Variants in KPLCE observed in about 807,000 individuals in gnomAD.
KPLCE encodes the protein protein KPLCE.
At chr1:152,720,333 CA>C in the KPLCE span, 2 of 1,349,214 alleles carry the variant, frequency 1.5e-6, no homozygotes, top group East Asian at 2.5e-5. Context: ...GAACATGCAC[CA>C]GCTTCTGGCC....
At chr1:152,720,033 GC>G in the KPLCE span, 1 of 1,551,760 alleles carries the variant, frequency 6.4e-7, no homozygotes, top group Non-Finnish European at 8.7e-7. Flanking sequence ...ACCAGCTACT[GC>G]TGTCTGGCTC....
At chr1:152,720,142 T>C in the KPLCE span, 8 of 1,551,500 alleles carry the variant, frequency 5.2e-6, no homozygotes, top group Admixed American at 3.9e-5. Context: ...CGGGAAGCTC[T>C]GGATGCTGTG....
chr1:152,720,233 G>T, the KPLCE span: 22 of 1,551,128 alleles, frequency 1.4e-5, 1 homozygote, highest in South Asian at 2.0e-4. Flanking sequence ...GAGGTCCCGA[G>T]GTCCTGCATG....
the KPLCE span, chr1:152,719,847 A>G: frequency 1.3e-6 from 2 of 1,552,048 alleles, no homozygotes; most frequent in Non-Finnish European, 1.7e-6. Context: ...TGCCAAACCT[A>G]CGTGAAGTGC....
chr1:152,719,645 G>A, the KPLCE span: 1 of 1,552,176 alleles, frequency 6.4e-7, no homozygotes, highest in Non-Finnish European at 8.7e-7. Flanking sequence ...GACCCAAACT[G>A]TCTGTGTGAC....
chr1:152,720,019 T>C, the KPLCE span: 2 of 1,551,650 alleles, frequency 1.3e-6, no homozygotes, highest in Admixed American at 3.9e-5. Flanking sequence ...CTGCTCCCTG[T>C]TCCACCAGCT....
chr1:152,720,161 GGCTGTGGCTGCA>G, the KPLCE span: 1 of 1,551,730 alleles, frequency 6.4e-7, no homozygotes, highest in Non-Finnish European at 8.7e-7. Flanking sequence ...TGGTTCTGGG[GGCTGTGGCTGCA>G]GCTGTGGATG....
chr1:152,719,643 C>T, the KPLCE span: 2 of 1,552,256 alleles, frequency 1.3e-6, no homozygotes, highest in Non-Finnish European at 1.7e-6. Flanking sequence ...CAGACCCAAA[C>T]TGTCTGTGTG....
the KPLCE span, chr1:152,719,917 C>T: frequency 5.8e-6 from 9 of 1,552,100 alleles, no homozygotes; most frequent in Non-Finnish European, 7.8e-6. Flanking sequence ...CCCAGACGTG[C>T]TATGTCCAGG....
At chr1:152,719,695 C>A in the KPLCE span, 1 of 1,552,206 alleles carries the variant, frequency 6.4e-7, no homozygotes, top group Admixed American at 2.0e-5. Flanking sequence ...ATGTGAAGTA[C>A]CAAGTTCCAT....
the KPLCE span, chr1:152,719,883 T>G: frequency 6.4e-7 from 1 of 1,552,190 alleles, no homozygotes; most frequent in Non-Finnish European, 8.7e-7. Flanking sequence ...ATGACCTACA[T>G]CAAAAGTCCA....
chr1:152,719,782 C>T, the KPLCE span: 8 of 1,552,066 alleles, frequency 5.2e-6, no homozygotes, highest in South Asian at 1.2e-5. Flanking sequence ...CCTGCCAAAC[C>T]TATGTGAAGT....
chr1:152,720,307 C>T, the KPLCE span: 4 of 1,470,026 alleles, frequency 2.7e-6, no homozygotes, highest in Non-Finnish European at 3.7e-6. Flanking sequence ...AATGCACTGC[C>T]CCGCTACCCC....
At chr1:152,719,835 C>G in the KPLCE span, 1 of 1,551,356 alleles carries the variant, frequency 6.4e-7, no homozygotes. Flanking sequence ...TGCCCAACTC[C>G]CTGCCAAACC....
At chr1:152,719,914 G>A in the KPLCE span, 36 of 1,552,104 alleles carry the variant, frequency 2.3e-5, no homozygotes, top group African/African-American at 8.2e-5. Flanking sequence ...AGACCCAGAC[G>A]TGCTATGTCC....
the KPLCE span, chr1:152,719,685 A>T: frequency 6.4e-7 from 1 of 1,552,132 alleles, no homozygotes; most frequent in Non-Finnish European, 8.7e-7. Context: ...ACTCAAACTT[A>T]TGTGAAGTAC....
chr1:152,719,664 C>A, the KPLCE span: 1 of 1,552,270 alleles, frequency 6.4e-7, no homozygotes. Context: ...ACAGGCCCTG[C>A]TCCATGCCCT....
At chr1:152,719,700 T>C in the KPLCE span, 1 of 1,552,088 alleles carries the variant, frequency 6.4e-7, no homozygotes. Flanking sequence ...AAGTACCAAG[T>C]TCCATGCCAG....
At chr1:152,720,111 C>G in the KPLCE span, 3 of 1,551,730 alleles carry the variant, frequency 1.9e-6, no homozygotes, top group Non-Finnish European at 2.6e-6. Flanking sequence ...AACACAGGAT[C>G]ATCTGGCTGC....
Sources: gnomAD v4.1 joint callset for allele counts on GRCh38, gnomAD v4.1.1 for gene constraint, MANE v1.5 for transcripts, NCBI Gene and HGNC (gene_info 2026-07-23, HGNC 2026-07-21) for gene names.